Variants in TBC1D30 observed in about 807,000 individuals in gnomAD.
The protein encoded by TBC1D30 is TBC1 domain family member 30, also known as TBC1 domain family, member 30.
Under a neutral mutation model 63.2 loss-of-function variants are expected in TBC1D30, and 31 were observed. The ratio of observed to expected loss-of-function variants is 0.49; its 90% CI spans 0.37 to 0.66. The LOEUF is 0.66. Ranked by LOEUF, TBC1D30 falls within the 30% of genes least tolerant of loss-of-function variation. The pLI is 0.00. For synonymous variants in TBC1D30, 307 were observed against 361.5 expected (o/e 0.85, Z 1.71); for missense variants, 810 against 953.6 (o/e 0.85, Z 1.98).
chr12:64,815,153 G>A (rs1169250973), intron 2 of TBC1D30, among the ~76,000 whole-genome samples: 1 of 152,152 alleles, frequency 6.6e-6, no homozygotes, highest in African/African-American at 2.4e-5. Context: ...AACATAGTAA[G>A]GGAAAACATT....
At chr12:64,810,756 A>C (rs1437941624) in intron 2 of TBC1D30, among the ~76,000 whole-genome samples, 4 of 152,240 alleles carry the variant, frequency 2.6e-5, no homozygotes, top group African/African-American at 9.6e-5. Context: ...ATCCTAGACA[A>C]TATTGTTCTT....
At chr12:64,863,252 C>G (rs1050222942) in intron 8 of TBC1D30, among the ~76,000 whole-genome samples, 1 of 152,186 alleles carries the variant, frequency 6.6e-6, no homozygotes, top group African/African-American at 2.4e-5. Flanking sequence ...TGATCTTATT[C>G]CCATCTCTCC....
chr12:64,780,476 C>T (rs1056051151), upstream of TBC1D30, among the ~76,000 whole-genome samples: 1 of 152,266 alleles, frequency 6.6e-6, no homozygotes, highest in African/African-American at 2.4e-5. Flanking sequence ...CCTCCCCCTC[C>T]GTGCTGCTGG....
At chr12:64,836,383 C>A in intron 5 of TBC1D30, 107 bp from the exon 6 acceptor site, 1 of 860,194 alleles carries the variant, frequency 1.2e-6, no homozygotes, top group South Asian at 1.9e-5. Flanking sequence ...GGATAGCGTG[C>A]TTTGGCTAAC....
intron 1 of TBC1D30, among the ~76,000 whole-genome samples, chr12:64,770,663 T>C (rs1870871595): frequency 6.6e-6 from 1 of 152,164 alleles, no homozygotes; most frequent in African/African-American, 2.4e-5. Context: ...CACGTGGCCA[T>C]TGTCCCATAT....
At chr12:64,821,475 A>C (rs1873883099), upstream of TBC1D30, among the ~76,000 whole-genome samples, 1 of 152,194 alleles carries the variant, frequency 6.6e-6, no homozygotes, top group Non-Finnish European at 1.5e-5. Flanking sequence ...CTCTCTTGTT[A>C]AAATAGAACA....
At chr12:64,843,573 T>C in intron 8 of TBC1D30, 88 bp downstream of exon 8, 1 of 958,858 alleles carries the variant, frequency 1.0e-6, no homozygotes, top group Non-Finnish European at 1.6e-6. Context: ...TTGAGAAATG[T>C]GCTTGGTTAG....
intron 2 of TBC1D30, among the ~76,000 whole-genome samples, chr12:64,793,306 A>G (rs949795527): frequency 6.6e-6 from 1 of 151,306 alleles, no homozygotes; most frequent in Admixed American, 6.6e-5. Flanking sequence ...TTGTGCCACT[A>G]CCCTCCCACC....
At position 64,826,504 on chromosome 12, in the gene TBC1D30, C is replaced by T. The variant is rs377437749; in HGVS notation, c.155-1331C>T. On this transcript the variant is annotated intron_variant, in intron 1 of 11. Transcript: ENST00000539867. ...CGTCATGATTATACGCTCCTCCATTCAGCACCTCGCGTCCGGACAGCAACC... is the reference window on the plus strand; with the variant it reads ...CGTCATGATTATACGCTCCTCCATTTAGCACCTCGCGTCCGGACAGCAACC... Among the ~76,000 whole-genome samples, 5 of 152,178 alleles carry T rather than the reference C, an allele frequency of 3.3e-5. No homozygotes were observed. In the East Asian group the frequency reaches 9.6e-4, roughly 29 times the overall value.
intron 11 of TBC1D30, among the ~76,000 whole-genome samples, chr12:64,871,478 G>A (rs1332036961): frequency 6.6e-6 from 1 of 152,168 alleles, no homozygotes; most frequent in African/African-American, 2.4e-5. Context: ...AATGGTGCCT[G>A]TCCAGAATTA....
chr12:64,798,176 T>C (rs1444153196), intron 2 of TBC1D30, among the ~76,000 whole-genome samples: 1 of 152,244 alleles, frequency 6.6e-6, no homozygotes, highest in East Asian at 1.9e-4. Context: ...TGCTGGGTGC[T>C]AACATGCAAA....
chr12:64,831,083 C>G (rs1874818329), intron 4 of TBC1D30, among the ~76,000 whole-genome samples: 1 of 152,176 alleles, frequency 6.6e-6, no homozygotes, highest in South Asian at 2.1e-4. Context: ...ACATAAGGCT[C>G]TAGCACATGG....
chr12:64,790,027 A>T (rs1388821066), intron 2 of TBC1D30, among the ~76,000 whole-genome samples: 1 of 152,218 alleles, frequency 6.6e-6, no homozygotes, highest in East Asian at 1.9e-4. Context: ...TTGAGATAGG[A>T]TCTGAAGATA....
At chr12:64,863,364 G>A (rs1877953116) in intron 8 of TBC1D30, among the ~76,000 whole-genome samples, 1 of 152,080 alleles carries the variant, frequency 6.6e-6, no homozygotes, top group Non-Finnish European at 1.5e-5. Flanking sequence ...CACACTCAAG[G>A]CTAGTGAGAG....
rs918076820 is a variant in TBC1D30 at position 64,838,568 on chromosome 12, A to G, written c.764-115A>G. ...AGAACAAGAGTTTAGAAATATGAAG[A>G]AATCAGTCAGGAAATACAACAAATT... On this transcript the variant is annotated intron_variant, in intron 6 of 11. Transcript: ENST00000539867. The G allele has an allele frequency of 4.8e-6, 5 of 1,034,498 alleles. No individual in the cohort carries two copies. The South Asian group carries it at 9.0e-5, about 19-fold the overall frequency. 64.1% of individuals were successfully genotyped at this position (1,034,498 alleles called of 1,614,324 possible).
At chr12:64,853,618 G>A (rs1230910701) in intron 8 of TBC1D30, among the ~76,000 whole-genome samples, 1 of 152,198 alleles carries the variant, frequency 6.6e-6, no homozygotes, top group Non-Finnish European at 1.5e-5. Flanking sequence ...GGCCCTGGTG[G>A]TGTAGGCACC....
chr12:64,825,179 C>G, intron 1 of TBC1D30, 146 bp downstream of exon 1: 1 of 1,241,260 alleles, frequency 8.1e-7, no homozygotes, highest in Admixed American at 2.8e-5. Context: ...TTGGCACCTG[C>G]AGGGAGCGAT....
rs1324966648 is a variant in TBC1D30 at position 64,879,381 on chromosome 12, T to C, written c.*3593T>C. 6.6e-6 allele frequency: 1 copy of C among 152,230 alleles called. No individual in the cohort carries two copies. The highest frequency in any genetic ancestry group is 1.5e-5 in the Non-Finnish European group (1 of 68,038). The allele number at this position is 152,230 out of a possible 1,614,324, so 9.4% of individuals were successfully genotyped here. On this transcript the variant is annotated 3_prime_UTR_variant, in exon 12 of 12. Transcript: ENST00000539867. ...GTAGTAGAGACAGTATCCTGTTACA[T>C]GTATGTACATAGCCCGAATTATTTT...
chr12:64,772,563 G>A (rs560247537), intron 1 of TBC1D30, among the ~76,000 whole-genome samples: 1 of 152,130 alleles, frequency 6.6e-6, no homozygotes, highest in South Asian at 2.1e-4. Context: ...CCAAGTAGCT[G>A]GGATTACAGG....
Sources: allele counts gnomAD v4.1 joint callset (sites outside exome capture counted in the v4.1 genomes callset), GRCh38; gene constraint gnomAD v4.1.1; transcripts MANE v1.5; gene names NCBI Gene and HGNC (gene_info 2026-07-23, HGNC 2026-07-21).